IMMP2L: variants seen among roughly 807,000 people sequenced by gnomAD.
IMMP2L encodes the protein mitochondrial inner membrane protease subunit 2.
A neutral mutation model predicts 19.3 loss-of-function variants in IMMP2L; 18 were observed. That is an observed-to-expected ratio of 0.93 (90% confidence interval 0.64 to 1.38). The LOEUF is 1.38. Among genes scored for constraint, IMMP2L ranks in the 40% most tolerant of loss-of-function variants. The pLI is 0.00. For synonymous variants in IMMP2L, 76 were observed against 73.0 expected, an observed-to-expected ratio of 1.04 and a Z score of -0.21; for missense variants, 233 against 218.2, an observed-to-expected ratio of 1.07 and a Z score of -0.43.
intron 5 of IMMP2L, among the ~76,000 whole-genome samples, chr7:110,820,817 T>C (rs1363671980): frequency 6.6e-6 from 1 of 152,078 alleles, no homozygotes; most frequent in East Asian, 1.9e-4. Flanking sequence ...TGTTGGGGCC[T>C]CAGTGCCATC....
chr7:110,860,748 C>A (rs1807312630), intron 5 of IMMP2L, among the ~76,000 whole-genome samples: 1 of 152,120 alleles, frequency 6.6e-6, no homozygotes, highest in Non-Finnish European at 1.5e-5. Context: ...TCCCAAATCA[C>A]AAGGCTTGCA....
At chr7:111,291,507 T>C (rs1821102983) in intron 3 of IMMP2L, among the ~76,000 whole-genome samples, 1 of 152,142 alleles carries the variant, frequency 6.6e-6, no homozygotes, top group African/African-American at 2.4e-5. Context: ...TTTAACCTGG[T>C]ATAAGGAGTA....
At chr7:111,454,408 T>C (rs1250644759) in intron 3 of IMMP2L, among the ~76,000 whole-genome samples, 1 of 152,076 alleles carries the variant, frequency 6.6e-6, no homozygotes, top group Non-Finnish European at 1.5e-5. Flanking sequence ...TTGATTCTGC[T>C]CTCCATCAAA....
At chr7:111,232,539 A>T (rs1813830636) in intron 3 of IMMP2L, among the ~76,000 whole-genome samples, 2 of 152,070 alleles carry the variant, frequency 1.3e-5, no homozygotes, top group South Asian at 4.1e-4. Context: ...TTTCTGAACC[A>T]ATAAATTCTT....
At chr7:111,529,084 T>C (rs536597239) in intron 1 of IMMP2L, among the ~76,000 whole-genome samples, 9 of 152,308 alleles carry the variant, frequency 5.9e-5, no homozygotes, top group Admixed American at 1.3e-4. Flanking sequence ...AGTGCCTACT[T>C]TGTGCTAGAC....
rs113181037 is a variant in IMMP2L at position 111,271,577 on chromosome 7, T to C, written c.239+215661A>G. On this transcript the variant is annotated intron_variant, in intron 3 of 5. Coordinates refer to ENST00000405709, the MANE Select transcript of IMMP2L (RefSeq NM_032549.4). Reference sequence around the variant, plus strand: ...GTTTCTGATATAGAGTAGGTCAAGGTTGGGGCCTAAGTAAGTCCATGTCTA... The same window carrying C: ...GTTTCTGATATAGAGTAGGTCAAGGCTGGGGCCTAAGTAAGTCCATGTCTA... Among the ~76,000 whole-genome samples, 535 of 152,228 alleles carry C rather than the reference T, an allele frequency of 3.5e-3. 2 individuals carry two copies. Among genetic ancestry groups the C allele is most frequent in the African/African-American group, 0.012 (505 of 41,546 alleles).
At chr7:110,982,997 A>G (rs1260027716) in intron 3 of IMMP2L, among the ~76,000 whole-genome samples, 1 of 152,032 alleles carries the variant, frequency 6.6e-6, no homozygotes, top group Non-Finnish European at 1.5e-5. Context: ...CCCTCAACTA[A>G]GGGCCAAATG....
chr7:111,013,267 G>C (rs1002636870), intron 3 of IMMP2L, among the ~76,000 whole-genome samples: 1 of 152,154 alleles, frequency 6.6e-6, no homozygotes, highest in African/African-American at 2.4e-5. Context: ...TTTTATGTAA[G>C]AGGTAGACAT....
chr7:111,181,506 C>T (rs1219378272), intron 3 of IMMP2L, among the ~76,000 whole-genome samples: 1 of 151,902 alleles, frequency 6.6e-6, no homozygotes, highest in Non-Finnish European at 1.5e-5. Flanking sequence ...TATTTGAGCA[C>T]CCAGCTTGAT....
In IMMP2L at chr7:111,521,393, A is replaced by T; in HGVS notation, c.55T>A (p.Phe19Ile). ...ACTGCCACAGGCACCGCCACAAAGA[A>T]GCCTTTACAAAAGGCCTTGATGTAT... The part of the protein sequence containing the change: ...KRYIKAFCKG[F>I]FVAVPVAVTF... Residue 19 changes from phenylalanine to isoleucine, a missense_variant, in exon 2 of 6, where the codon TTC (phenylalanine) becomes ATC (isoleucine). Phe to Ile is a conservative substitution (Grantham distance 21, BLOSUM62 0). Transcript: ENST00000405709. 2.5e-6 allele frequency: 4 copies of T among 1,613,266 alleles called. No individual in the cohort carries two copies. The highest frequency in any genetic ancestry group is 8.5e-7 in the Non-Finnish European group (1 of 1,179,442).
At chr7:111,075,038 G>A (rs1002834385) in intron 3 of IMMP2L, among the ~76,000 whole-genome samples, 1 of 151,928 alleles carries the variant, frequency 6.6e-6, no homozygotes, top group Admixed American at 6.6e-5. Context: ...GGGCTAGGAG[G>A]CAATGGGGTT....
At chr7:110,685,015 A>G (rs1021712630) in intron 5 of IMMP2L, among the ~76,000 whole-genome samples, 4 of 152,054 alleles carry the variant, frequency 2.6e-5, no homozygotes, top group African/African-American at 9.7e-5. Context: ...TAAAGCTGAA[A>G]AGACAACTTC....
At chr7:110,840,108 T>C (rs1212499557) in intron 5 of IMMP2L, among the ~76,000 whole-genome samples, 1 of 152,130 alleles carries the variant, frequency 6.6e-6, no homozygotes, top group Non-Finnish European at 1.5e-5. Context: ...TCCAGGTTCC[T>C]TGAACGGTCA....
At chr7:110,789,444 T>C (rs938874589) in intron 5 of IMMP2L, among the ~76,000 whole-genome samples, 1 of 151,712 alleles carries the variant, frequency 6.6e-6, no homozygotes. Context: ...AGCTCTTTCT[T>C]TGAAATACAT....
intron 5 of IMMP2L, among the ~76,000 whole-genome samples, chr7:110,668,271 C>G (rs919492355): frequency 6.6e-6 from 1 of 152,142 alleles, no homozygotes; most frequent in African/African-American, 2.4e-5. Flanking sequence ...CCTAAAAAAC[C>G]ATTCCATCTA....
intron 3 of IMMP2L, among the ~76,000 whole-genome samples, chr7:111,068,481 G>C (rs1208307149): frequency 6.6e-6 from 1 of 151,908 alleles, no homozygotes; most frequent in Non-Finnish European, 1.5e-5. Context: ...TGAATATTTT[G>C]CAAAACAGTA....
At chr7:110,741,749 T>C (rs540388292) in intron 5 of IMMP2L, among the ~76,000 whole-genome samples, 1 of 152,322 alleles carries the variant, frequency 6.6e-6, no homozygotes. Flanking sequence ...TATGCTATTA[T>C]TTTATAGAAA....
chr7:111,314,548 T>A (rs985308663), intron 3 of IMMP2L, among the ~76,000 whole-genome samples: 1 of 152,136 alleles, frequency 6.6e-6, no homozygotes, highest in Admixed American at 6.5e-5. Context: ...ATGAGGAAAA[T>A]AAGATCATTT....
intron 3 of IMMP2L, among the ~76,000 whole-genome samples, chr7:111,045,374 T>C (rs2129571707): frequency 6.6e-6 from 1 of 152,340 alleles, no homozygotes; most frequent in Admixed American, 6.5e-5. Flanking sequence ...CTCATCTGGA[T>C]TCTTCCAAAA....
Sources: gnomAD v4.1 joint callset for allele counts (sites outside exome capture counted in the v4.1 genomes callset) on GRCh38, gnomAD v4.1.1 for gene constraint, MANE v1.5 for transcripts, NCBI Gene and HGNC (gene_info 2026-07-23, HGNC 2026-07-21) for gene names.